ESR1: variants seen among roughly 807,000 people sequenced by gnomAD.
ESR1 encodes the protein estrogen receptor 1, also known as estrogen receptor.
ESR1 carries 12 observed loss-of-function variants against 52.7 expected under a neutral mutation model. That is an observed-to-expected ratio of 0.23 (90% CI 0.15 to 0.37). ESR1 has a LOEUF of 0.37. Ranked by LOEUF, ESR1 falls within the 10% of genes least tolerant of loss-of-function variation. The pLI is 1.00. For missense variants in ESR1, 584 were observed against 779.7 expected, an observed-to-expected ratio of 0.75 and a Z score of 2.99; for synonymous variants, 305 against 316.8, an observed-to-expected ratio of 0.96 and a Z score of 0.39.
intron 1 of ESR1, among the ~76,000 whole-genome samples, chr6:151,670,711 G>A (rs1334436891): frequency 6.7e-6 from 1 of 149,316 alleles, no homozygotes; most frequent in Non-Finnish European, 1.5e-5. Context: ...AGTCTCCTGA[G>A]TAACTGGGAT....
intron 6 of ESR1, among the ~76,000 whole-genome samples, chr6:152,084,191 A>C (rs1399457500): frequency 6.6e-6 from 1 of 151,684 alleles, no homozygotes; most frequent in Non-Finnish European, 1.5e-5. Context: ...CAAACACTGC[A>C]TATTCTCACT....
intron 4 of ESR1, among the ~76,000 whole-genome samples, chr6:151,969,756 C>T (rs950923407): frequency 5.9e-5 from 9 of 152,168 alleles, no homozygotes; most frequent in South Asian, 4.1e-4. Flanking sequence ...ACACCTTAGA[C>T]GTTTTTTCAT....
At chr6:151,989,666 T>A (rs1224497170) in intron 4 of ESR1, among the ~76,000 whole-genome samples, 1 of 152,082 alleles carries the variant, frequency 6.6e-6, no homozygotes, top group African/African-American at 2.4e-5. Flanking sequence ...AATCAATTAA[T>A]GTATTATGAC....
At position 152,128,061 on chromosome 6, in the gene ESR1, A is replaced by G. The variant is rs1364379396; in HGVS notation, c.*2713A>G. On this transcript the variant is annotated 3_prime_UTR_variant, in exon 7 of 7. Coordinates refer to the ESR1 transcript ENST00000427531. ...TTTGCTACATCCGGACTACAGTGCA[A>G]TTATTCCTTTGCCTTGCTGGAAATT... 3 of 152,326 alleles carry G rather than the reference A, an allele frequency of 2.0e-5. No individual in the cohort carries two copies. In the East Asian group the frequency reaches 5.8e-4, roughly 29 times the overall value. The allele number at this position is 152,326 out of a possible 1,614,324, so 9.4% of individuals were successfully genotyped here.
chr6:151,965,877 T>C (rs2038215308), intron 4 of ESR1, among the ~76,000 whole-genome samples: 1 of 152,140 alleles, frequency 6.6e-6, no homozygotes, highest in Admixed American at 6.5e-5. Context: ...ATATTTTATG[T>C]GAAATTTGAT....
upstream of ESR1, among the ~76,000 whole-genome samples, chr6:151,690,198 T>C (rs1028047624): frequency 6.6e-6 from 1 of 152,240 alleles, no homozygotes; most frequent in Non-Finnish European, 1.5e-5. Flanking sequence ...ACAAAATTTA[T>C]GTGCTGAATG....
At chr6:151,668,536 G>T (rs1381194883) in intron 1 of ESR1, among the ~76,000 whole-genome samples, 6 of 152,110 alleles carry the variant, frequency 3.9e-5, no homozygotes, top group Non-Finnish European at 8.8e-5. Flanking sequence ...GCCTGCCTTG[G>T]CCTCCTAAAG....
intron 2 of ESR1, among the ~76,000 whole-genome samples, chr6:151,723,297 G>A (rs1277577563): frequency 2.6e-5 from 4 of 152,132 alleles, no homozygotes; most frequent in African/African-American, 9.7e-5. Context: ...TCTGGTGATT[G>A]ATTTCTCTCT....
chr6:152,009,415 CATG>C (rs1385012587), intron 4 of ESR1, among the ~76,000 whole-genome samples: 6 of 152,026 alleles, frequency 3.9e-5, no homozygotes, highest in Non-Finnish European at 8.8e-5. Flanking sequence ...CAGATACATG[CATG>C]ATTAATTTGA....
intron 2 of ESR1, among the ~76,000 whole-genome samples, chr6:151,757,133 C>T (rs1435152322): frequency 6.6e-6 from 1 of 152,026 alleles, no homozygotes; most frequent in Non-Finnish European, 1.5e-5. Context: ...CACATCAGAA[C>T]TGTCTAACCT....
chr6:151,942,406 C>T (rs943648242), intron 3 of ESR1, among the ~76,000 whole-genome samples: 2 of 152,060 alleles, frequency 1.3e-5, no homozygotes, highest in East Asian at 1.9e-4. Flanking sequence ...CTTTAAGTAA[C>T]GGTTTCTCAA....
intron 2 of ESR1, among the ~76,000 whole-genome samples, chr6:151,726,537 C>T (rs992171258): frequency 4.6e-5 from 7 of 152,070 alleles, no homozygotes; most frequent in African/African-American, 1.4e-4. Flanking sequence ...GGGGTTTCAC[C>T]GTATTAGCCA....
At chr6:151,727,818 T>TA (rs755691408) in intron 2 of ESR1, among the ~76,000 whole-genome samples, 11 of 152,160 alleles carry the variant, frequency 7.2e-5, no homozygotes, top group Non-Finnish European at 1.0e-4. Flanking sequence ...CCCCCTTCGC[T>TA]ACTCACTCTG....
At chr6:151,980,165 C>A (rs12175322) in intron 4 of ESR1, among the ~76,000 whole-genome samples, 1 of 152,142 alleles carries the variant, frequency 6.6e-6, no homozygotes, top group Non-Finnish European at 1.5e-5. Context: ...TTTCTTGGAA[C>A]GTGTTGCTTG....
intron 6 of ESR1, among the ~76,000 whole-genome samples, chr6:152,074,767 C>G (rs1013971819): frequency 6.6e-6 from 1 of 152,114 alleles, no homozygotes. Flanking sequence ...TGTCAATGTT[C>G]TGGATTTTGG....
intron 2 of ESR1, among the ~76,000 whole-genome samples, chr6:151,723,043 G>C (rs1781572744): frequency 6.6e-6 from 1 of 152,200 alleles, no homozygotes; most frequent in Admixed American, 6.5e-5. Context: ...TAATTAGAGA[G>C]ATGCCCTTTA....
At chr6:151,897,054 T>C (rs1461707050) in intron 3 of ESR1, among the ~76,000 whole-genome samples, 1 of 152,182 alleles carries the variant, frequency 6.6e-6, no homozygotes, top group Non-Finnish European at 1.5e-5. Flanking sequence ...GTAGTTGACA[T>C]AGTTTTAATT....
chr6:151,803,755 G>C (rs970472414), upstream of ESR1, among the ~76,000 whole-genome samples: 6 of 152,294 alleles, frequency 3.9e-5, no homozygotes, highest in African/African-American at 1.4e-4. Flanking sequence ...TGTAAAGCTA[G>C]AAGGCTTAGG....
At chr6:151,796,196 A>G (rs1410399850) in intron 2 of ESR1, among the ~76,000 whole-genome samples, 5 of 152,016 alleles carry the variant, frequency 3.3e-5, no homozygotes, top group Non-Finnish European at 5.9e-5. Flanking sequence ...AGAACAAAAC[A>G]AAAAATGAGG....
Sources: gnomAD v4.1 joint callset for allele counts (sites outside exome capture counted in the v4.1 genomes callset) on GRCh38, gnomAD v4.1.1 for gene constraint, MANE v1.5 for transcripts, NCBI Gene and HGNC (gene_info 2026-07-23, HGNC 2026-07-21) for gene names.